Variants in PRDM10 observed in about 807,000 individuals in gnomAD.
PRDM10 encodes the protein PR domain zinc finger protein 10.
A neutral mutation model predicts 133.1 loss-of-function variants in PRDM10; 65 were observed. The ratio of observed to expected loss-of-function variants is 0.49; its 90% confidence interval spans 0.40 to 0.60. PRDM10 has a LOEUF of 0.60. Among genes scored for constraint, PRDM10 ranks in the 20% least tolerant of loss-of-function variants. The pLI, the probability that PRDM10 is intolerant of heterozygous loss-of-function variation, is 0.00. For missense variants in PRDM10, 1,137 were observed against 1,507.1 expected, an observed-to-expected ratio of 0.75 and a Z score of 4.07; for synonymous variants, 582 against 580.4, an observed-to-expected ratio of 1.00 and a Z score of -0.04.
intron 13 of PRDM10, among the ~76,000 whole-genome samples, chr11:129,920,896 C>A (rs1950505266): frequency 6.6e-6 from 1 of 152,110 alleles, no homozygotes; most frequent in Non-Finnish European, 1.5e-5. Flanking sequence ...CTCCCGGGTT[C>A]AAGTGATTCT....
At chr11:130,000,137 G>C (rs7118810) in intron 1 of PRDM10, among the ~76,000 whole-genome samples, 1 of 150,032 alleles carries the variant, frequency 6.7e-6, no homozygotes, top group Non-Finnish European at 1.5e-5. Context: ...TCTGCCTCCC[G>C]GGTTCAAGTG....
intron 1 of PRDM10, among the ~76,000 whole-genome samples, chr11:129,983,269 C>T (rs950033466): frequency 6.6e-6 from 1 of 151,116 alleles, no homozygotes; most frequent in Admixed American, 6.6e-5. Flanking sequence ...TGAGCCACCA[C>T]GCCTGGTCTA....
intron 11 of PRDM10, 66 bp from the exon 12 acceptor site, chr11:129,925,295 T>C: frequency 7.1e-7 from 1 of 1,411,426 alleles, no homozygotes; most frequent in Non-Finnish European, 9.6e-7. Flanking sequence ...ATCACACTTT[T>C]ACAGAGAAAG....
At chr11:129,998,875 T>C (rs1466845877) in intron 1 of PRDM10, among the ~76,000 whole-genome samples, 1 of 148,306 alleles carries the variant, frequency 6.7e-6, no homozygotes, top group African/African-American at 2.5e-5. Flanking sequence ...CAGGCTGGAG[T>C]GCAGTGGCGT....
chr11:129,969,023 G>C (rs1951962239), intron 1 of PRDM10, among the ~76,000 whole-genome samples: 1 of 152,166 alleles, frequency 6.6e-6, no homozygotes, highest in African/African-American at 2.4e-5. Context: ...CTGGCAAGGT[G>C]CTGGGCACTC....
At chr11:129,962,927 T>C (rs541099366) in intron 1 of PRDM10, among the ~76,000 whole-genome samples, 88 of 152,160 alleles carry the variant, frequency 5.8e-4, no homozygotes, top group African/African-American at 2.0e-3. Flanking sequence ...GGACGACATA[T>C]CACTTGAGGC....
At chr11:129,960,803 C>G (rs1446328047) in intron 2 of PRDM10, 93 bp downstream of exon 2, 6 of 1,323,494 alleles carry the variant, frequency 4.5e-6, no homozygotes, top group Non-Finnish European at 6.5e-6. Flanking sequence ...AACGACTAGT[C>G]ACTACTAGAT....
chr11:129,957,625 A>T, intron 3 of PRDM10, 121 bp downstream of exon 3: 1 of 1,250,458 alleles, frequency 8.0e-7, no homozygotes, highest in Non-Finnish European at 1.1e-6. Context: ...CTGAGAGCAC[A>T]GATCTTATCT....
At chr11:129,946,120 T>C (rs1371862863) in intron 5 of PRDM10, among the ~76,000 whole-genome samples, 1 of 151,848 alleles carries the variant, frequency 6.6e-6, no homozygotes, top group Non-Finnish European at 1.5e-5. Flanking sequence ...GGTGCACATC[T>C]GTAGTCCCAA....
intron 11 of PRDM10, among the ~76,000 whole-genome samples, chr11:129,927,797 C>T (rs1950728693): frequency 6.6e-6 from 1 of 152,072 alleles, no homozygotes; most frequent in Admixed American, 6.5e-5. Context: ...CTGTCCCCAC[C>T]CGTTGACCCA....
chr11:129,975,992 A>C (rs1057175104), intron 1 of PRDM10, among the ~76,000 whole-genome samples: 8 of 152,174 alleles, frequency 5.3e-5, no homozygotes, highest in African/African-American at 1.7e-4. Context: ...GGTCTCCTAC[A>C]GTACCTCATC....
intron 17 of PRDM10, 101 bp downstream of exon 17, chr11:129,914,603 C>T (rs770518746): frequency 2.0e-5 from 30 of 1,505,848 alleles, no homozygotes; most frequent in East Asian, 1.4e-4. Flanking sequence ...AGAACTTCCA[C>T]GCAGAAGGAC....
chr11:129,990,448 G>A (rs1938666868), intron 1 of PRDM10, among the ~76,000 whole-genome samples: 1 of 151,052 alleles, frequency 6.6e-6, no homozygotes, highest in Non-Finnish European at 1.5e-5. Flanking sequence ...CTTGAACCTG[G>A]GAGGTAGAAG....
rs534982296 is a variant in PRDM10, at chr11:129,923,091, T to C, written c.2034+157A>G. On this transcript the variant is annotated intron_variant, in intron 13 of 20. Transcript: ENST00000360871. The surrounding 1 kb of genome is among the most constrained non-coding windows in gnomAD (Gnocchi z 4.4). ...GAAATGAGTAAGTTTTCCCCCTTAA[T>C]TTTATAACTAAGTCAAACACAAGGC... 1.3e-5 allele frequency among the ~76,000 whole-genome samples: 2 copies of C among 152,366 alleles called. No individual in the cohort carries two copies. The highest frequency in any genetic ancestry group is 4.1e-4 in the South Asian group (2 of 4,832).
intron 1 of PRDM10, among the ~76,000 whole-genome samples, chr11:129,972,890 G>C (rs546665551): frequency 2.6e-5 from 4 of 152,192 alleles, no homozygotes; most frequent in African/African-American, 9.7e-5. Context: ...AATGAGATTC[G>C]AGAGGGCAGT....
chr11:129,923,353 T>A lies in PRDM10; in HGVS notation c.1929A>T (p.Thr643=). ...GGCGACAGAAGGCCTTGTCACACTC[T>A]GTGCACTGGTAGATCTTTTCTGAGT... ...SFHSEKIYQC[T]ECDKAFCRPD... is the part of the protein sequence containing the mutation. The change falls in exon 13 of 21, where the codon ACA becomes ACT. Residue 643 remains threonine (T), a synonymous_variant. Transcript: ENST00000360871. This position sits in a 1 kb window ranked among gnomAD's most constrained non-coding sequence, Gnocchi z 4.4. The A allele has an allele frequency of 6.2e-7, 1 of 1,612,928 alleles. No individual in the cohort carries two copies. The highest frequency in any genetic ancestry group is 8.5e-7 in the Non-Finnish European group (1 of 1,179,616).
At chr11:129,940,314 T>C (rs868007601) in intron 7 of PRDM10, among the ~76,000 whole-genome samples, 30 of 152,154 alleles carry the variant, frequency 2.0e-4, no homozygotes, top group African/African-American at 7.2e-4. Flanking sequence ...TACAGTAGAG[T>C]CTAGTACTGT....
At chr11:129,963,496 T>C (rs956345063) in intron 1 of PRDM10, among the ~76,000 whole-genome samples, 1 of 152,012 alleles carries the variant, frequency 6.6e-6, no homozygotes, top group African/African-American at 2.4e-5. Context: ...TTTTTTAAAG[T>C]TGTTTATTTT....
rs574322190 is a variant in PRDM10, at chr11:129,912,568, G to A, written c.2842-343C>T. Among the ~76,000 whole-genome samples, 5 of 152,144 alleles carry A rather than the reference G, an allele frequency of 3.3e-5. No homozygotes were observed. In the East Asian group the frequency reaches 9.7e-4, roughly 29 times the overall value. On this transcript the variant is annotated intron_variant, in intron 17 of 20. Coordinates refer to ENST00000360871, the MANE Select transcript of PRDM10 (RefSeq NM_199437.2). Reference sequence around the variant, plus strand: ...AGATCGAGACCGTCCTGGCTAACATGGTGAAACCCCGTCTCTACTGAAAAT... The same window carrying A: ...AGATCGAGACCGTCCTGGCTAACATAGTGAAACCCCGTCTCTACTGAAAAT...
Sources: gnomAD v4.1 joint callset for allele counts (sites outside exome capture counted in the v4.1 genomes callset) on GRCh38, gnomAD v4.1.1 for gene constraint, Gnocchi (gnomAD v3.1) non-coding constraint, MANE v1.5 for transcripts, NCBI Gene and HGNC (gene_info 2026-07-23, HGNC 2026-07-21) for gene names.